The following AAK1 variants were observed in gnomAD, a reference collection of about 807,000 sequenced individuals.
The protein encoded by AAK1 is AP2-associated protein kinase 1.
Under a neutral mutation model 116.0 loss-of-function variants are expected in AAK1, and 37 were observed. The observed-to-expected ratio is 0.32, with a 90% CI of 0.25 to 0.42. The LOEUF (loss-of-function observed/expected upper bound fraction) is 0.42, where lower values mean the gene tolerates loss of function less well. AAK1 is among the 10% of genes least tolerant of loss of function. The pLI is 1.00. For missense variants in AAK1, 919 were observed against 1,170.6 expected, an observed-to-expected ratio of 0.79 and a Z score of 3.14; for synonymous variants, 458 against 439.9, an observed-to-expected ratio of 1.04 and a Z score of -0.51.
chr2:69,507,075 T>A (rs1676214253), intron 15 of AAK1, among the ~76,000 whole-genome samples: 2 of 152,182 alleles, frequency 1.3e-5, no homozygotes, highest in South Asian at 4.1e-4. Flanking sequence ...TAAACCAACC[T>A]AGGATGAGAG....
At chr2:69,613,654 G>C (rs1559003704) in intron 2 of AAK1, among the ~76,000 whole-genome samples, 1 of 152,208 alleles carries the variant, frequency 6.6e-6, no homozygotes, top group Non-Finnish European at 1.5e-5. Context: ...AAATAAAGGG[G>C]TTTAAAGAGC....
Position 69,465,551 on chromosome 2 carries a change from T to C in AAK1, c.*10318A>G. ...ACCCAGCTATCGACTGCTTGTTGGT[T>C]TGTGAAACAATTTTGTAGGCAGCAA... On this transcript the variant is annotated 3_prime_UTR_variant, in exon 22 of 22. Coordinates refer to ENST00000409085, the MANE Select transcript of AAK1 (RefSeq NM_014911.5). The C allele has an allele frequency of 3.9e-6, 5 of 1,290,980 alleles. No individual in the cohort carries two copies. In the South Asian group the frequency reaches 6.2e-5, roughly 16 times the overall value. The allele number at this position is 1,290,980 out of a possible 1,614,324, so 80.0% of individuals were successfully genotyped here.
At chr2:69,513,444 C>T (rs1039583452) in intron 13 of AAK1, among the ~76,000 whole-genome samples, 3 of 152,076 alleles carry the variant, frequency 2.0e-5, no homozygotes, top group African/African-American at 2.4e-5. Flanking sequence ...CTCAGCCTCC[C>T]GAGTAGCTGG....
Position 69,471,640 on chromosome 2 carries a change from A to G in AAK1, c.*4229T>C, listed in dbSNP as rs73934959. 2 of 985,314 alleles carry G rather than the reference A, an allele frequency of 2.0e-6. No homozygotes were observed. The highest frequency in any genetic ancestry group is 2.3e-4 in the East Asian group (2 of 8,812). 61.0% of individuals were successfully genotyped at this position (985,314 alleles called of 1,614,324 possible). A position where few individuals can be genotyped will look rare whatever the true frequency, so the allele number is the denominator to read the frequency against. On this transcript the variant is annotated 3_prime_UTR_variant, in exon 22 of 22. Coordinates refer to ENST00000409085, the MANE Select transcript of AAK1 (RefSeq NM_014911.5). ...ATGGGAGCCTGATAATCTTGCAGAC[A>G]GAGAAGGTTAAGGACTCTGGGAAAT...
intron 2 of AAK1, among the ~76,000 whole-genome samples, chr2:69,607,927 G>T (rs1017365298): frequency 6.6e-6 from 1 of 152,186 alleles, no homozygotes; most frequent in Non-Finnish European, 1.5e-5. Context: ...GGCAACAGGG[G>T]AACACATGTC....
chr2:69,581,364 G>A (rs1242889124), intron 2 of AAK1, among the ~76,000 whole-genome samples: 1 of 152,136 alleles, frequency 6.6e-6, no homozygotes, highest in Admixed American at 6.5e-5. Flanking sequence ...CCAAAGTGCT[G>A]GAATTACAGG....
chr2:69,573,677 C>T lies in AAK1; in HGVS notation c.164-16699G>A, dbSNP rs145519679. Among the ~76,000 whole-genome samples the T allele has an allele frequency of 7.7e-4, 117 of 152,274 alleles. No individual in the cohort carries two copies. The East Asian group carries it at 0.021, about 28-fold the overall frequency. On this transcript the variant is annotated intron_variant, in intron 2 of 21. Transcript: ENST00000409085. ...CTAGGAATCCATCTTAAGGAAATAA[C>T]CTGAAATATCCACAAAGTATGTACA... is the stretch of plus-strand genomic sequence containing the variant.
At chr2:69,587,269 G>A (rs1161596576) in intron 2 of AAK1, among the ~76,000 whole-genome samples, 1 of 149,904 alleles carries the variant, frequency 6.7e-6, no homozygotes, top group Non-Finnish European at 1.5e-5. Flanking sequence ...ATACACATGT[G>A]TATATATACA....
At chr2:69,563,039 G>A (rs550146133) in intron 2 of AAK1, among the ~76,000 whole-genome samples, 1 of 152,280 alleles carries the variant, frequency 6.6e-6, no homozygotes, top group South Asian at 2.1e-4. Context: ...ACTCCAGCCT[G>A]AGCAACAGAG....
intron 15 of AAK1, 85 bp from the exon 16 acceptor site, chr2:69,505,758 A>T: frequency 9.9e-7 from 1 of 1,006,682 alleles, no homozygotes; most frequent in Non-Finnish European, 1.5e-6. Flanking sequence ...GCATTCTCTG[A>T]ACTGACTTCT....
chr2:69,585,601 C>T (rs1300648251), intron 2 of AAK1, among the ~76,000 whole-genome samples: 2 of 152,196 alleles, frequency 1.3e-5, no homozygotes, highest in African/African-American at 4.8e-5. Context: ...GTCCAAAGTC[C>T]TGTATCTCTC....
chr2:69,641,147 C>T (rs772803749), intron 2 of AAK1, among the ~76,000 whole-genome samples: 5 of 152,216 alleles, frequency 3.3e-5, no homozygotes, highest in Non-Finnish European at 5.9e-5. Context: ...CCTATCACTT[C>T]TCTCACACTT....
chr2:69,507,724 T>TG, intron 14 of AAK1, 146 bp from the exon 15 acceptor site: 1 of 756,776 alleles, frequency 1.3e-6, no homozygotes, highest in Non-Finnish European at 2.0e-6. Flanking sequence ...TTTTTTTTTT[T>TG]GAGTCAGAGT....
At chr2:69,516,399 A>T (rs891491211) in intron 12 of AAK1, among the ~76,000 whole-genome samples, 1 of 152,192 alleles carries the variant, frequency 6.6e-6, no homozygotes, top group African/African-American at 2.4e-5. Context: ...ATCCGAATTC[A>T]TAATGCCTAT....
At chr2:69,515,152 C>T (rs1396520981) in intron 12 of AAK1, among the ~76,000 whole-genome samples, 1 of 152,190 alleles carries the variant, frequency 6.6e-6, no homozygotes, top group African/African-American at 2.4e-5. Flanking sequence ...GATTAAAATG[C>T]TTCCCTACCT....
chr2:69,473,712 A>G lies in AAK1; in HGVS notation c.*2157T>C, dbSNP rs139884646. On this transcript the variant is annotated 3_prime_UTR_variant, in exon 22 of 22. Transcript: ENST00000409085. ...ATTAAATTGAGAAACTAGATATTTC[A>G]TTATATTTCTAACATGTATATACGA... 1.0e-6 allele frequency: 1 copy of G among 961,546 alleles called. No homozygotes were observed. The highest frequency in any genetic ancestry group is 1.1e-4 in the East Asian group (1 of 8,706). 59.6% of individuals were successfully genotyped at this position (961,546 alleles called of 1,614,324 possible).
At position 69,466,422 on chromosome 2, in the gene AAK1, A is replaced by G; in HGVS notation, c.*9447T>C. 1 of 1,289,782 alleles carries G rather than the reference A, an allele frequency of 7.8e-7. No homozygotes were observed. The highest frequency in any genetic ancestry group is 1.0e-6 in the Non-Finnish European group (1 of 988,868). The allele number at this position is 1,289,782 out of a possible 1,614,324, so 79.9% of individuals were successfully genotyped here. The stretch of plus-strand genomic sequence containing the variant: ...ATCTCTGGCCAAGTAGTCAGATTCT[A>G]AGTTGTTCTGAGTCTTTGTGCCAGG... On this transcript the variant is annotated 3_prime_UTR_variant, in exon 22 of 22. Coordinates refer to ENST00000409085, the MANE Select transcript of AAK1 (RefSeq NM_014911.5).
intron 15 of AAK1, 93 bp downstream of exon 15, chr2:69,507,328 C>A: frequency 6.8e-7 from 1 of 1,461,048 alleles, no homozygotes; most frequent in Admixed American, 2.1e-5. Context: ...CATGCATACC[C>A]TTCTAGAGTT....
chr2:69,467,541 A>G lies in AAK1; in HGVS notation c.*8328T>C. On this transcript the variant is annotated 3_prime_UTR_variant, in exon 22 of 22. Transcript: ENST00000409085. ...AAGGGTGGTTGGGGGTAAAGGTATC[A>G]TTTCATCATGGGCTCAGTAAAGAGA... The G allele has an allele frequency of 1.0e-6, 1 of 985,382 alleles. No homozygotes were observed. The highest frequency in any genetic ancestry group is 4.7e-5 in the South Asian group (1 of 21,284). The allele number at this position is 985,382 out of a possible 1,614,324, so 61.0% of individuals were successfully genotyped here.
Sources: gnomAD v4.1 joint callset for allele counts (sites outside exome capture counted in the v4.1 genomes callset) on GRCh38, gnomAD v4.1.1 for gene constraint, MANE v1.5 for transcripts, NCBI Gene and HGNC (gene_info 2026-07-23, HGNC 2026-07-21) for gene names.